The following CAMK2A variants were observed in gnomAD, a reference collection of about 807,000 sequenced individuals.
The protein encoded by CAMK2A is calcium/calmodulin-dependent protein kinase type II subunit alpha.
CAMK2A carries 7 observed loss-of-function variants against 79.2 expected under a neutral mutation model. The observed-to-expected ratio is 0.09, with a 90% CI of 0.05 to 0.17. The LOEUF (loss-of-function observed/expected upper bound fraction) is 0.17, where lower values mean the gene tolerates loss of function less well. CAMK2A is among the 10% of genes least tolerant of loss of function. The pLI is 1.00. For missense variants in CAMK2A, 214 were observed against 646.4 expected (o/e 0.33, Z 7.25); for synonymous variants, 242 against 251.7 (o/e 0.96, Z 0.36).
Position 150,257,613 on chromosome 5 carries a change from T to C in CAMK2A, c.222A>G (p.Arg74=), listed in dbSNP as rs1673508325. Reference sequence around the variant, plus strand: ...CCTCCTCTGAGATGCTGTCATGTAGTCGGACTGTGGGCGGGGCAAGGCAGT... The same window carrying C: ...CCTCCTCTGAGATGCTGTCATGTAGCCGGACTGTGGGCGGGGCAAGGCAGT... ...CRLLKHPNIV[R]LHDSISEEGH... is the part of the protein sequence containing the mutation. Residue 74 remains arginine, a synonymous_variant, in exon 4 of 19, where the codon CGA becomes CGG. Transcript: ENST00000671881. 6.4e-7 allele frequency: 1 copy of C among 1,568,610 alleles called. No individual in the cohort carries two copies. The highest frequency in any genetic ancestry group is 8.6e-7 in the Non-Finnish European group (1 of 1,156,904).
chr5:150,254,458 C>T (rs1191580018), intron 6 of CAMK2A, among the ~76,000 whole-genome samples: 1 of 152,166 alleles, frequency 6.6e-6, no homozygotes, highest in Non-Finnish European at 1.5e-5. Flanking sequence ...AGGGATAGAG[C>T]CAGAATCGAG....
At chr5:150,244,102 T>C (rs1755460355) in intron 13 of CAMK2A, among the ~76,000 whole-genome samples, 1 of 151,220 alleles carries the variant, frequency 6.6e-6, no homozygotes, top group Non-Finnish European at 1.5e-5. Context: ...TAGGATTTTA[T>C]TGCTTTTTTT....
At chr5:150,249,553 G>GT (rs36099826) in intron 11 of CAMK2A, among the ~76,000 whole-genome samples, 1,766 of 145,778 alleles carry the variant, frequency 0.012, 14 homozygotes, top group Non-Finnish European at 0.018. Context: ...TCTTTTTTTT[G>GT]TTTTTTTTTT....
chr5:150,272,359 G>A (rs1364459436), intron 2 of CAMK2A, among the ~76,000 whole-genome samples: 1 of 152,174 alleles, frequency 6.6e-6, no homozygotes, highest in Non-Finnish European at 1.5e-5. Context: ...GAGGTCAAGA[G>A]TTCGAGACCA....
At chr5:150,249,829 T>C (rs962949754) in intron 11 of CAMK2A, among the ~76,000 whole-genome samples, 1 of 152,306 alleles carries the variant, frequency 6.6e-6, no homozygotes, top group Admixed American at 6.5e-5. Flanking sequence ...ATTACAGGCA[T>C]GAGTCACTGC....
At chr5:150,266,333 T>C (rs928834249) in intron 2 of CAMK2A, among the ~76,000 whole-genome samples, 2 of 152,184 alleles carry the variant, frequency 1.3e-5, no homozygotes, top group Non-Finnish European at 2.9e-5. Context: ...ATAAGGAAAC[T>C]GCAGCCTGAA....
intron 13 of CAMK2A, among the ~76,000 whole-genome samples, chr5:150,241,567 G>T (rs1755342492): frequency 3.2e-5 from 3 of 92,672 alleles, no homozygotes; most frequent in Admixed American, 1.3e-4. Context: ...CCTCTCCTCT[G>T]CCTCCTTCCT....
intron 1 of CAMK2A, among the ~76,000 whole-genome samples, chr5:150,285,675 C>G (rs1398504226): frequency 6.6e-6 from 1 of 152,214 alleles, no homozygotes. Context: ...TTGGCAACCC[C>G]TTCTCCAACC....
At chr5:150,273,962 A>T (rs899973541) in intron 1 of CAMK2A, among the ~76,000 whole-genome samples, 1 of 152,212 alleles carries the variant, frequency 6.6e-6, no homozygotes, top group Non-Finnish European at 1.5e-5. Context: ...TTATCTGGTC[A>T]AGGGGTAGGT....
Position 150,256,696 on chromosome 5 carries a change from C to T in CAMK2A, c.339-51G>A. On this transcript the variant is annotated intron_variant, in intron 5 of 18. Coordinates refer to ENST00000671881, the MANE Select transcript of CAMK2A (RefSeq NM_015981.4). The surrounding 1 kb of genome is among the most constrained non-coding windows in gnomAD (Gnocchi z 4.6). Reference sequence around the variant, plus strand: ...ATGGTGGTGTGAGCACAGGCCTCCCCTGGGAAGCTGACAGCAGGCAAGAGT... The same window carrying T: ...ATGGTGGTGTGAGCACAGGCCTCCCTTGGGAAGCTGACAGCAGGCAAGAGT... The T allele has an allele frequency of 6.2e-7, 1 of 1,609,172 alleles. No homozygotes were observed. The highest frequency in any genetic ancestry group is 2.2e-5 in the East Asian group (1 of 44,850).
At chr5:150,234,481 T>C (rs1754980728) in intron 15 of CAMK2A, among the ~76,000 whole-genome samples, 1 of 152,216 alleles carries the variant, frequency 6.6e-6, no homozygotes, top group South Asian at 2.1e-4. Flanking sequence ...AGAGTTGTTC[T>C]AAGGATTGAG....
intron 1 of CAMK2A, among the ~76,000 whole-genome samples, chr5:150,274,008 T>C (rs1404161360): frequency 6.6e-6 from 1 of 152,224 alleles, no homozygotes; most frequent in Non-Finnish European, 1.5e-5. Context: ...TGAGAGATTG[T>C]CCATATTAAA....
At position 150,273,859 on chromosome 5, in the gene CAMK2A, C is replaced by A. The variant is rs979496833; in HGVS notation, c.63-700G>T. Among the ~76,000 whole-genome samples, 6 of 152,232 alleles carry A rather than the reference C, an allele frequency of 3.9e-5. No individual in the cohort carries two copies. The East Asian group carries it at 1.2e-3, about 29-fold the overall frequency. On this transcript the variant is annotated intron_variant, in intron 1 of 18. Transcript: ENST00000671881. The stretch of plus-strand genomic sequence containing the variant: ...AGTTTCAATCTATAGCCATTACAAA[C>A]AATGCTACAATGACTAGCCGTGTAT...
chr5:150,234,714 G>C (rs965188545), intron 15 of CAMK2A, among the ~76,000 whole-genome samples: 4 of 152,162 alleles, frequency 2.6e-5, no homozygotes, highest in African/African-American at 9.7e-5. Flanking sequence ...TCTCTAGTCA[G>C]GGCAGGGATA....
chr5:150,228,140 G>A (rs1186232795), intron 17 of CAMK2A, 52 bp downstream of exon 17: 5 of 1,462,266 alleles, frequency 3.4e-6, no homozygotes, highest in African/African-American at 1.4e-5. Flanking sequence ...CATCCAGCAG[G>A]ACATGGAACG....
chr5:150,239,619 T>C, intron 14 of CAMK2A, 85 bp downstream of exon 14: 4 of 1,296,820 alleles, frequency 3.1e-6, no homozygotes, highest in Non-Finnish European at 4.5e-6. Context: ...CCGCCCCAGG[T>C]TCCCAGTGCA....
chr5:150,268,913 G>A (rs748524609), intron 2 of CAMK2A, among the ~76,000 whole-genome samples: 6 of 151,906 alleles, frequency 3.9e-5, no homozygotes, highest in Non-Finnish European at 8.8e-5. Flanking sequence ...ACAGGCACCC[G>A]CCACCATGCC....
chr5:150,243,256 C>T (rs1273339507), intron 13 of CAMK2A, among the ~76,000 whole-genome samples: 1 of 152,230 alleles, frequency 6.6e-6, no homozygotes, highest in African/African-American at 2.4e-5. Flanking sequence ...TCCTTCTCCT[C>T]TAGTTACCTG....
At chr5:150,245,337 G>GGCCTCC (rs1755519333) in intron 12 of CAMK2A, 136 bp from the exon 13 acceptor site, 1 of 648,382 alleles carries the variant, frequency 1.5e-6, no homozygotes, top group Admixed American at 2.6e-5. Flanking sequence ...TCCTGGGGGA[G>GGCCTCC]GCCTCCTCCT....
Sources: allele counts gnomAD v4.1 joint callset (sites outside exome capture counted in the v4.1 genomes callset), GRCh38; gene constraint gnomAD v4.1.1; non-coding constraint Gnocchi (gnomAD v3.1); transcripts MANE v1.5; gene names NCBI Gene and HGNC (gene_info 2026-07-23, HGNC 2026-07-21).